The following NMS variants were observed in gnomAD, a reference collection of about 807,000 sequenced individuals.
NMS encodes the protein neuromedin-S.
NMS carries 30 observed loss-of-function variants against 32.2 expected under a neutral mutation model. The ratio of observed to expected loss-of-function variants is 0.93; its 90% confidence interval spans 0.70 to 1.26. The LOEUF (loss-of-function observed/expected upper bound fraction) is 1.26, where lower values mean the gene tolerates loss of function less well. Among genes scored for constraint, NMS ranks in the 50% most tolerant of loss-of-function variants. The pLI, the probability that NMS is intolerant of heterozygous loss-of-function variation, is 0.00. For synonymous variants in NMS, 76 were observed against 58.5 expected (o/e 1.30, Z -1.37); for missense variants, 190 against 186.3 (o/e 1.02, Z -0.12).
At chr2:100,471,114 G>T (rs1300986839) in intron 1 of NMS, among the ~76,000 whole-genome samples, 1 of 152,176 alleles carries the variant, frequency 6.6e-6, no homozygotes, top group African/African-American at 2.4e-5. Context: ...GGTGCTGACC[G>T]GGTGCGGGCA....
intron 8 of NMS, 92 bp from the exon 9 acceptor site, chr2:100,482,185 C>T: frequency 1.6e-6 from 2 of 1,241,284 alleles, no homozygotes; most frequent in East Asian, 2.3e-5. Context: ...AAGAATGAGG[C>T]CTTAGGGTTC....
In NMS at chr2:100,481,122, G is replaced by GCAGGAT. The variant is rs1558669955; in HGVS notation, c.373-1_377dup. On this transcript the variant is annotated splice_region_variant and splice_polypyrimidine_tract_variant and intron_variant, in intron 7 of 9. Transcript: ENST00000376865. Reference sequence around the variant, plus strand: ...ATAATGGCTTGTGTTTCTATATGTTGCAGGATCACACTGCGACCTGGGGAC... The same window carrying GCAGGAT: ...ATAATGGCTTGTGTTTCTATATGTTGCAGGATCAGGATCACACTGCGACCTGGGGAC... The GCAGGAT allele has an allele frequency of 1.2e-6, 2 of 1,613,902 alleles. No homozygotes were observed. The highest frequency in any genetic ancestry group is 1.7e-6 in the Non-Finnish European group (2 of 1,179,932).
intron 3 of NMS, among the ~76,000 whole-genome samples, chr2:100,474,587 T>A (rs1438801246): frequency 6.6e-6 from 1 of 152,212 alleles, no homozygotes; most frequent in Admixed American, 6.5e-5. Context: ...TCATCTGTAG[T>A]ATAGGGGTAA....
intron 6 of NMS, 77 bp downstream of exon 6, chr2:100,479,504 T>C (rs982966214): frequency 1.6e-6 from 2 of 1,267,850 alleles, no homozygotes; most frequent in Admixed American, 2.0e-5. Flanking sequence ...TGCTGTCACC[T>C]TGGGGCTTGC....
intron 1 of NMS, among the ~76,000 whole-genome samples, chr2:100,471,160 A>T (rs1304683085): frequency 1.3e-5 from 2 of 152,158 alleles, no homozygotes; most frequent in African/African-American, 4.8e-5. Flanking sequence ...CTTCTAGGGA[A>T]CAGGGGTGGA....
In NMS at chr2:100,477,255, C is replaced by T; in HGVS notation, c.195C>T (p.Asp65=). The T allele has an allele frequency of 1.2e-6, 2 of 1,613,508 alleles. No individual in the cohort carries two copies. Among genetic ancestry groups the T allele is most frequent in the Non-Finnish European group, 1.7e-6 (2 of 1,179,456 alleles). Reference sequence around the variant, plus strand: ...AATTCTCTTTCCAGGATAATCAAGACATATACAAAAGGGTGAGTACCACCT... The same window carrying T: ...AATTCTCTTTCCAGGATAATCAAGATATATACAAAAGGGTGAGTACCACCT... ...PLSRQPKDNQ[D]IYKRFLFHYS... is the part of the protein sequence containing the mutation. The change falls in exon 4 of 10, where the codon GAC becomes GAT. Residue 65 remains aspartate (D), a synonymous_variant. Coordinates refer to ENST00000376865, the MANE Select transcript of NMS (RefSeq NM_001011717.1).
At chr2:100,470,829 A>C (rs1676995643) in intron 1 of NMS, among the ~76,000 whole-genome samples, 3 of 152,208 alleles carry the variant, frequency 2.0e-5, no homozygotes, top group Non-Finnish European at 4.4e-5. Flanking sequence ...TGTGTCGCTA[A>C]AACTGAAGGG....
At chr2:100,471,812 T>C (rs1038018766) in intron 1 of NMS, among the ~76,000 whole-genome samples, 12 of 152,242 alleles carry the variant, frequency 7.9e-5, no homozygotes, top group Admixed American at 5.9e-4. Context: ...GTCTTTATTC[T>C]GTTATTTGGG....
chr2:100,482,999 G>T (rs1481584047), intron 9 of NMS, among the ~76,000 whole-genome samples: 11 of 152,184 alleles, frequency 7.2e-5, no homozygotes, highest in Non-Finnish European at 7.3e-5. Context: ...GCTGGGAAAT[G>T]GCAGTACCCA....
chr2:100,470,621 G>A (rs1279863536), intron 1 of NMS, 57 bp downstream of exon 1: 2 of 1,371,266 alleles, frequency 1.5e-6, no homozygotes, highest in Non-Finnish European at 2.1e-6. Flanking sequence ...GTCTGAGACA[G>A]ACCTTGATCC....
chr2:100,475,263 T>C (rs984407910), intron 3 of NMS, among the ~76,000 whole-genome samples: 1 of 152,218 alleles, frequency 6.6e-6, no homozygotes, highest in Non-Finnish European at 1.5e-5. Context: ...TTTTGGCATG[T>C]CACTTCGTCT....
intron 3 of NMS, among the ~76,000 whole-genome samples, chr2:100,476,866 T>C (rs1677120460): frequency 6.6e-6 from 1 of 152,116 alleles, no homozygotes; most frequent in African/African-American, 2.4e-5. Flanking sequence ...ATATGAACTA[T>C]AAAAACTGAA....
rs778922463 is a variant in NMS at position 100,479,376 on chromosome 2, G to A, written c.285G>A (p.Met95Ile). 2 of 1,610,968 alleles carry A rather than the reference G, an allele frequency of 1.2e-6. No homozygotes were observed. Among genetic ancestry groups the A allele is most frequent in the Admixed American group, 3.4e-5 (2 of 59,462 alleles). The change falls in exon 6 of 10, where the codon ATG becomes ATA. Residue 95 changes from methionine to isoleucine, a missense_variant. Physicochemically the swap from Met to Ile is conservative, Grantham distance 10 (BLOSUM62 1). Transcript: ENST00000376865. ...KTGFPPVHPL[M>I]HLAAKLANRR... is the part of the protein sequence containing the mutation. Reference sequence around the variant, plus strand: ...AGTTTCCTCCAGTGCATCCTCTAATGCACCTGGCTGCCAAGCTCGCCAACA... The same window carrying A: ...AGTTTCCTCCAGTGCATCCTCTAATACACCTGGCTGCCAAGCTCGCCAACA...
chr2:100,475,666 A>G (rs184852089), intron 3 of NMS, among the ~76,000 whole-genome samples: 65 of 152,294 alleles, frequency 4.3e-4, no homozygotes, highest in Admixed American at 4.1e-3. Flanking sequence ...AATAATAAAC[A>G]ACATAGATCA....
At position 100,481,134 on chromosome 2, in the gene NMS, TGCGACCTGGG is replaced by T. The variant is rs761801878; in HGVS notation, c.383_392del (p.Ala128AspfsTer?). ...GTTTCTATATGTTGCAGGATCACAC[TGCGACCTGGG>T]GACGACCCTTTTTCCTTTTCAGGGT... On this transcript the variant is annotated frameshift_variant, in exon 8 of 10. Coordinates refer to ENST00000376865, the MANE Select transcript of NMS (RefSeq NM_001011717.1). LOFTEE classifies it high-confidence loss of function. 3.7e-6 allele frequency: 6 copies of T among 1,614,068 alleles called. No homozygotes were observed. The highest frequency in any genetic ancestry group is 4.2e-6 in the Non-Finnish European group (5 of 1,180,022).
chr2:100,476,410 G>T (rs1351408222), intron 3 of NMS, among the ~76,000 whole-genome samples: 1 of 152,080 alleles, frequency 6.6e-6, no homozygotes, highest in African/African-American at 2.4e-5. Flanking sequence ...AGAGAGAGAG[G>T]ATGCATAGGT....
In NMS at chr2:100,477,332, T is replaced by A. The variant is rs1331936344; in HGVS notation, c.208-29T>A. Reference sequence around the variant, plus strand: ...CATGTTTAGAGCAAGTGACACTCGATACTAATATCACTTTCTTTTCTTATT... The same window carrying A: ...CATGTTTAGAGCAAGTGACACTCGAAACTAATATCACTTTCTTTTCTTATT... On this transcript the variant is annotated intron_variant, in intron 4 of 9. Coordinates refer to ENST00000376865, the MANE Select transcript of NMS (RefSeq NM_001011717.1). 3 of 1,608,028 alleles carry A rather than the reference T, an allele frequency of 1.9e-6. No individual in the cohort carries two copies. The African/African-American group carries it at 4.0e-5, about 21-fold the overall frequency.
chr2:100,480,944 C>T (rs1347570238), intron 7 of NMS, among the ~76,000 whole-genome samples, 182 bp from the exon 8 acceptor site: 3 of 152,170 alleles, frequency 2.0e-5, no homozygotes, highest in African/African-American at 7.2e-5. Context: ...TGCTTGGCCC[C>T]ACCCCCAAAG....
intron 5 of NMS, among the ~76,000 whole-genome samples, chr2:100,478,466 G>T (rs868578467): frequency 1.1e-4 from 17 of 152,048 alleles, no homozygotes; most frequent in Middle Eastern, 6.8e-3. Context: ...GAATTTTTTT[G>T]TTTGTTTGTT....
Sources: allele counts gnomAD v4.1 joint callset (sites outside exome capture counted in the v4.1 genomes callset), GRCh38; gene constraint gnomAD v4.1.1; transcripts MANE v1.5; gene names NCBI Gene and HGNC (gene_info 2026-07-23, HGNC 2026-07-21).